The following PARG variants were observed in gnomAD, a reference collection of about 807,000 sequenced individuals.
The protein encoded by PARG is poly(ADP-ribose) glycohydrolase.
A neutral mutation model predicts 113.0 loss-of-function variants in PARG; 35 were observed. The observed-to-expected ratio is 0.31, with a 90% CI of 0.24 to 0.41. The LOEUF (loss-of-function observed/expected upper bound fraction) is 0.41, where lower values mean the gene tolerates loss of function less well. Ranked by LOEUF, PARG falls within the 10% of genes least tolerant of loss-of-function variation. The pLI is 1.00. For synonymous variants in PARG, 330 were observed against 409.9 expected, an observed-to-expected ratio of 0.81 and a Z score of 2.36; for missense variants, 797 against 1,169.4, an observed-to-expected ratio of 0.68 and a Z score of 4.64.
chr10:49,914,898 G>A (rs1837383820), intron 7 of PARG, among the ~76,000 whole-genome samples: 1 of 152,170 alleles, frequency 6.6e-6, no homozygotes, highest in Admixed American at 6.5e-5. Context: ...AAATAATGAA[G>A]TTGAACTCCT....
Position 49,819,436 on chromosome 10 carries a change from G to C in PARG, c.2835C>G (p.Thr945=). 1 of 1,549,978 alleles carries C rather than the reference G, an allele frequency of 6.5e-7. No individual in the cohort carries two copies. Among genetic ancestry groups the C allele is most frequent in the Non-Finnish European group, 8.7e-7 (1 of 1,145,460 alleles). ...YYNEECRNCS[T]PGPDIKLYPF... ...GATAAAGCTTGATGTCTGGTCCAGG[G>C]GTGGAACAGTTTCTGCATTCTTCAT... is the stretch of plus-strand genomic sequence containing the variant. The change falls in exon 18 of 18, where the codon ACC becomes ACG. Residue 945 remains threonine, a synonymous_variant. Transcript: ENST00000616448.
intron 7 of PARG, among the ~76,000 whole-genome samples, chr10:49,903,200 G>T (rs1381489218): frequency 6.6e-6 from 1 of 152,070 alleles, no homozygotes; most frequent in Non-Finnish European, 1.5e-5. Flanking sequence ...TGAGGTAGGA[G>T]GATCTTGCTT....
chr10:49,841,897 T>C, intron 15 of PARG, 53 bp downstream of exon 15: 2 of 1,085,458 alleles, frequency 1.8e-6, no homozygotes, highest in South Asian at 1.3e-5. Flanking sequence ...ATTAATAAAA[T>C]GGCAGTAAAT....
Position 49,819,153 on chromosome 10 carries a change from C to T in PARG, c.*187G>A, listed in dbSNP as rs1843938108. The stretch of plus-strand genomic sequence containing the variant: ...AAAACATATCTAAGTCCACGTGAGT[C>T]AGGATGGAGGGAGTTTAGATGTACC... On this transcript the variant is annotated 3_prime_UTR_variant, in exon 18 of 18. Coordinates refer to ENST00000616448, the MANE Select transcript of PARG (RefSeq NM_003631.5). 2.1e-6 allele frequency: 1 copy of T among 481,450 alleles called. No individual in the cohort carries two copies. The highest frequency in any genetic ancestry group is 4.5e-5 in the South Asian group (1 of 22,032). 29.8% of individuals were successfully genotyped at this position (481,450 alleles called of 1,614,324 possible). A position where few individuals can be genotyped will look rare whatever the true frequency, so the allele number is the denominator to read the frequency against.
At chr10:49,834,001 A>T (rs965703095) in intron 15 of PARG, among the ~76,000 whole-genome samples, 4 of 152,194 alleles carry the variant, frequency 2.6e-5, no homozygotes, top group Non-Finnish European at 5.9e-5. Flanking sequence ...TCGATGGATT[A>T]ACAAGGCTAT....
At chr10:49,883,915 T>A (rs1181915360) in intron 8 of PARG, among the ~76,000 whole-genome samples, 15 of 147,284 alleles carry the variant, frequency 1.0e-4, no homozygotes, top group African/African-American at 3.8e-4. Context: ...TTGAGAAAAA[T>A]AGGTCATAGA....
At chr10:49,917,131 C>G (rs1837520427) in intron 6 of PARG, among the ~76,000 whole-genome samples, 1 of 152,014 alleles carries the variant, frequency 6.6e-6, no homozygotes. Flanking sequence ...AATAAGATAG[C>G]CAGAAAGAGT....
intron 7 of PARG, among the ~76,000 whole-genome samples, chr10:49,910,183 T>C (rs1837090615): frequency 6.6e-6 from 1 of 152,078 alleles, no homozygotes; most frequent in Non-Finnish European, 1.5e-5. Flanking sequence ...TTTACAGTGA[T>C]AGAGGCTTTA....
chr10:49,859,642 A>G (rs1391632450), intron 12 of PARG, among the ~76,000 whole-genome samples: 3 of 152,200 alleles, frequency 2.0e-5, no homozygotes, highest in Non-Finnish European at 4.4e-5. Context: ...TAACAAAAAT[A>G]AAAAGATAAG....
intron 4 of PARG, among the ~76,000 whole-genome samples, chr10:49,926,570 T>C (rs1164735915): frequency 3.8e-4 from 58 of 152,152 alleles, no homozygotes; most frequent in African/African-American, 1.3e-3. Context: ...TGACTGACGT[T>C]CTTCATTCTA....
At chr10:49,878,414 T>C (rs1847049444) in intron 9 of PARG, among the ~76,000 whole-genome samples, 1 of 149,076 alleles carries the variant, frequency 6.7e-6, no homozygotes. Context: ...GGTCAGGAGT[T>C]CGACACCAGC....
At chr10:49,828,118 A>AAAAAAAAAAC (rs1844462910) in intron 16 of PARG, among the ~76,000 whole-genome samples, 1 of 149,466 alleles carries the variant, frequency 6.7e-6, no homozygotes, top group Non-Finnish European at 1.5e-5. Context: ...AAAAAAAAAA[A>AAAAAAAAAAC]AAAAGCTCCT....
intron 16 of PARG, among the ~76,000 whole-genome samples, chr10:49,829,327 G>A (rs1175392931): frequency 6.6e-6 from 1 of 151,908 alleles, no homozygotes; most frequent in Non-Finnish European, 1.5e-5. Context: ...TGAACTTCAG[G>A]GCTCAAACAT....
Position 49,848,510 on chromosome 10 carries a change from A to T in PARG, c.2354-4878T>A, listed in dbSNP as rs1218365986. On this transcript the variant is annotated intron_variant, in intron 13 of 17. Coordinates refer to ENST00000616448, the MANE Select transcript of PARG (RefSeq NM_003631.5). Reference sequence around the variant, plus strand: ...ATTATTTAATATACTACTTCTAAAAATAATTTGTATTTTAATTATTAGACA... The same window carrying T: ...ATTATTTAATATACTACTTCTAAAATTAATTTGTATTTTAATTATTAGACA... Among the ~76,000 whole-genome samples the T allele has an allele frequency of 3.4e-5, 5 of 147,120 alleles. No homozygotes were observed. In the East Asian group the frequency reaches 9.7e-4, roughly 28 times the overall value.
At chr10:49,907,373 T>C (rs753947803) in intron 7 of PARG, among the ~76,000 whole-genome samples, 1 of 152,122 alleles carries the variant, frequency 6.6e-6, no homozygotes, top group African/African-American at 2.4e-5. Flanking sequence ...CTAGTACTAA[T>C]AGTAAAATAA....
At chr10:49,821,555 T>C (rs1361803010) in intron 16 of PARG, among the ~76,000 whole-genome samples, 1 of 152,118 alleles carries the variant, frequency 6.6e-6, no homozygotes, top group Non-Finnish European at 1.5e-5. Context: ...AATTTCTGTA[T>C]TTTTAGTAAA....
chr10:49,874,912 G>C (rs1305791082), intron 9 of PARG, among the ~76,000 whole-genome samples: 1 of 100,524 alleles, frequency 9.9e-6, no homozygotes, highest in African/African-American at 3.6e-5. Flanking sequence ...TCTGGTAATT[G>C]GTTACAGGAA....
intron 7 of PARG, among the ~76,000 whole-genome samples, chr10:49,906,863 T>C (rs1458663349): frequency 5.3e-5 from 8 of 151,784 alleles, no homozygotes; most frequent in Admixed American, 3.9e-4. Context: ...GATAGAAGTG[T>C]CCAAGAGAAG....
chr10:49,901,361 AC>A (rs1297651553), intron 7 of PARG, among the ~76,000 whole-genome samples: 8 of 151,470 alleles, frequency 5.3e-5, no homozygotes, highest in African/African-American at 1.9e-4. Context: ...CAATCATCCC[AC>A]CTCAGCCTCC....
Sources: allele counts gnomAD v4.1 joint callset (sites outside exome capture counted in the v4.1 genomes callset), GRCh38; gene constraint gnomAD v4.1.1; transcripts MANE v1.5; gene names NCBI Gene and HGNC (gene_info 2026-07-23, HGNC 2026-07-21).